RASA3: variants seen among roughly 807,000 people sequenced by gnomAD.
The protein encoded by RASA3 is ras GTPase-activating protein 3.
In RASA3, 73 loss-of-function variants were observed where a neutral mutation model predicts 110.0. The observed-to-expected ratio is 0.66, with a 90% CI of 0.55 to 0.81. The LOEUF is 0.81. Ranked by LOEUF, RASA3 falls within the 30% of genes least tolerant of loss-of-function variation. The pLI is 0.00. For missense variants in RASA3, 976 were observed against 1,113.2 expected (o/e 0.88, Z 1.75); for synonymous variants, 500 against 451.4 (o/e 1.11, Z -1.37).
rs370724711 is a variant in RASA3 at position 114,073,846 on chromosome 13, T to A, written c.56-9A>T. 3.3e-5 allele frequency: 53 copies of A among 1,599,510 alleles called. No individual in the cohort carries two copies. In the African/African-American group the frequency reaches 3.9e-4, roughly 12 times the overall value. On this transcript the variant is annotated splice_polypyrimidine_tract_variant and intron_variant, in intron 1 of 23. Coordinates refer to ENST00000334062, the MANE Select transcript of RASA3 (RefSeq NM_007368.4). Reference sequence around the variant, plus strand: ...AAGGTTTTTGGCTTCACCTAAAAAGTAAAAGCGACATACATCATCAGCAGC... The same window carrying A: ...AAGGTTTTTGGCTTCACCTAAAAAGAAAAAGCGACATACATCATCAGCAGC...
At chr13:114,099,425 G>A (rs372366565) in intron 1 of RASA3, among the ~76,000 whole-genome samples, 74 of 151,940 alleles carry the variant, frequency 4.9e-4, no homozygotes, top group East Asian at 2.5e-3. Context: ...GAGGGAGGGC[G>A]ACTGCCTCTC....
At position 114,065,643 on chromosome 13, in the gene RASA3, ACCGCAGGCTGGAGAATGGGGGT is replaced by A. The variant is rs1321179732; in HGVS notation, c.173+8055_173+8076del. Among the ~76,000 whole-genome samples the A allele has an allele frequency of 2.0e-5, 3 of 151,948 alleles. No homozygotes were observed. Among genetic ancestry groups the A allele is most frequent in the African/African-American group, 7.3e-5 (3 of 41,346 alleles). ...GGCCACACAGCCCTGGCTCCCACAG[ACCGCAGGCTGGAGAATGGGGGT>A]CCGCGGTCAGCTCATAGCCCACCCG... is the stretch of plus-strand genomic sequence containing the variant. On this transcript the variant is annotated intron_variant, in intron 2 of 23. Coordinates refer to ENST00000334062, the MANE Select transcript of RASA3 (RefSeq NM_007368.4). The surrounding 1 kb of genome is among the most constrained non-coding windows in gnomAD (Gnocchi z 4.1).
At chr13:114,117,877 G>C (rs1444887724) in intron 1 of RASA3, among the ~76,000 whole-genome samples, 1 of 148,374 alleles carries the variant, frequency 6.7e-6, no homozygotes, top group Non-Finnish European at 1.5e-5. Context: ...GGGTGAGCAC[G>C]TGTGTGAGGG....
chr13:114,075,444 CGCCTCCCGTGTCCGCGCCGCGT>C (rs2079652912), intron 1 of RASA3, among the ~76,000 whole-genome samples: 12 of 149,168 alleles, frequency 8.0e-5, no homozygotes, highest in Admixed American at 5.4e-4. Flanking sequence ...GTCTGGACAA[CGCCTCCCGTGTCCGCGCCGCGT>C]ATCTCTGCGT....
chr13:114,040,969 C>G, intron 4 of RASA3, 31 bp downstream of exon 4: 1 of 1,609,582 alleles, frequency 6.2e-7, no homozygotes, highest in East Asian at 2.2e-5. Flanking sequence ...TCCCAGGGCT[C>G]TGGTTTCCGG....
chr13:114,098,584 C>T (rs1165078801), intron 1 of RASA3, among the ~76,000 whole-genome samples: 11 of 151,988 alleles, frequency 7.2e-5, no homozygotes, highest in African/African-American at 2.7e-4. Context: ...TGGAATGGGG[C>T]TGGCCGGCCC....
rs778360236 is a variant in RASA3, at chr13:113,983,521, G to C, written c.2246-1663C>G. The stretch of plus-strand genomic sequence containing the variant: ...AGCAAAAAGGAACCAGAACTCAAAG[G>C]CTGGTTGAGTTAAAAGATTTGAGAA... On this transcript the variant is annotated intron_variant, in intron 22 of 23. Transcript: ENST00000334062. Among the ~76,000 whole-genome samples the C allele has an allele frequency of 4.0e-5, 4 of 100,534 alleles. 1 individual carries two copies. Among genetic ancestry groups the C allele is most frequent in the Non-Finnish European group, 9.3e-5 (4 of 43,114 alleles). 66.0% of individuals were successfully genotyped at this position (100,534 alleles called of 152,430 possible).
At chr13:114,064,824 C>CG (rs1182007871) in intron 2 of RASA3, among the ~76,000 whole-genome samples, 1 of 152,232 alleles carries the variant, frequency 6.6e-6, no homozygotes, top group Non-Finnish European at 1.5e-5. Context: ...CTGGCCCAGG[C>CG]GGCCCCCACT....
rs1471679244 is a variant in RASA3, at chr13:114,029,879, C to T, written c.381G>A (p.Val127=). 2.6e-6 allele frequency: 4 copies of T among 1,560,524 alleles called. No individual in the cohort carries two copies. The highest frequency in any genetic ancestry group is 3.8e-5 in the Admixed American group (2 of 52,980). ...VDADSEVQGK[V]HLELRLSEVI... is the part of the protein sequence containing the mutation. ...CCTCGCTCAGCCGCAGCTCCAGGTG[C>T]ACTTTGCCCTGCAAGGCACAAGGAT... The change falls in exon 5 of 24, where the codon GTG becomes GTA. Residue 127 remains valine (V), a synonymous_variant. Transcript: ENST00000334062.
intron 3 of RASA3, among the ~76,000 whole-genome samples, chr13:114,051,107 C>T (rs2079138202): frequency 6.6e-6 from 1 of 151,844 alleles, no homozygotes; most frequent in East Asian, 1.9e-4. Context: ...TCGCTGGCCT[C>T]CTGCACCCCC....
intron 4 of RASA3, among the ~76,000 whole-genome samples, chr13:114,038,117 T>C (rs1398773160): frequency 6.7e-6 from 1 of 149,742 alleles, no homozygotes; most frequent in Non-Finnish European, 1.5e-5. Context: ...AAGCTACACC[T>C]GCCAATAAAA....
chr13:114,016,756 T>A (rs7998148), intron 12 of RASA3, among the ~76,000 whole-genome samples: 9 of 152,106 alleles, frequency 5.9e-5, no homozygotes, highest in Non-Finnish European at 1.2e-4. Context: ...GAATGCTATG[T>A]TCAATTTTCT....
At chr13:114,043,804 G>C (rs564844588) in intron 3 of RASA3, among the ~76,000 whole-genome samples, 1 of 150,812 alleles carries the variant, frequency 6.6e-6, no homozygotes, top group Non-Finnish European at 1.5e-5. Flanking sequence ...ACGACAGCCA[G>C]GACACCTCCG....
At chr13:114,004,253 A>T (rs1356203939) in intron 18 of RASA3, among the ~76,000 whole-genome samples, 1 of 136,940 alleles carries the variant, frequency 7.3e-6, no homozygotes, top group Non-Finnish European at 1.7e-5. Flanking sequence ...TCTGCACAGC[A>T]AAATAAATAA....
chr13:114,095,530 G>A (rs927160438), intron 1 of RASA3, among the ~76,000 whole-genome samples: 1 of 152,132 alleles, frequency 6.6e-6, no homozygotes, highest in Non-Finnish European at 1.5e-5. Flanking sequence ...GCAGCCTCAT[G>A]TTTTCTAGAT....
chr13:114,009,308 G>A lies in RASA3; in HGVS notation c.1668+79C>T. 3.5e-6 allele frequency: 4 copies of A among 1,157,124 alleles called. No individual in the cohort carries two copies. The South Asian group carries it at 5.0e-5, about 15-fold the overall frequency. The allele number at this position is 1,157,124 out of a possible 1,614,324, so 71.7% of individuals were successfully genotyped here. On this transcript the variant is annotated intron_variant, in intron 17 of 23. Transcript: ENST00000334062. Reference sequence around the variant, plus strand: ...CTAATGGCCAAGTCTGTGTCATGTGGGTTCTATCTCAATTTTAAAAGAGAA... The same window carrying A: ...CTAATGGCCAAGTCTGTGTCATGTGAGTTCTATCTCAATTTTAAAAGAGAA...
chr13:113,993,395 T>C (rs1594284352), intron 21 of RASA3, among the ~76,000 whole-genome samples: 1 of 151,968 alleles, frequency 6.6e-6, no homozygotes, highest in African/African-American at 2.4e-5. Flanking sequence ...AGGCTGGTCT[T>C]GAACTCCTGA....
chr13:114,089,597 G>A (rs1428085457), intron 1 of RASA3, among the ~76,000 whole-genome samples: 3 of 152,116 alleles, frequency 2.0e-5, no homozygotes, highest in Admixed American at 2.0e-4. Context: ...GGCCAGCCCT[G>A]CACGGACATC....
At chr13:114,099,968 G>C (rs1342597471) in intron 1 of RASA3, among the ~76,000 whole-genome samples, 1 of 47,700 alleles carries the variant, frequency 2.1e-5, no homozygotes, top group Non-Finnish European at 4.1e-5. Flanking sequence ...TGCTCCACTC[G>C]ATGCTCACAC....
Sources: gnomAD v4.1 joint callset for allele counts (sites outside exome capture counted in the v4.1 genomes callset) on GRCh38, gnomAD v4.1.1 for gene constraint, Gnocchi (gnomAD v3.1) non-coding constraint, MANE v1.5 for transcripts, NCBI Gene and HGNC (gene_info 2026-07-23, HGNC 2026-07-21) for gene names.